The following TNKS variants were observed in gnomAD, a reference collection of about 807,000 sequenced individuals.
The protein encoded by TNKS is tankyrase.
A neutral mutation model predicts 135.8 loss-of-function variants in TNKS; 72 were observed. That is an observed-to-expected ratio of 0.53 (90% confidence interval 0.44 to 0.64). TNKS has a LOEUF of 0.64. Ranked by LOEUF, TNKS falls within the 30% of genes least tolerant of loss-of-function variation. The pLI, the probability that TNKS is intolerant of heterozygous loss-of-function variation, is 0.00. For missense variants in TNKS, 1,769 were observed against 1,674.0 expected (o/e 1.06, Z -0.99); for synonymous variants, 849 against 649.3 (o/e 1.31, Z -4.68).
At chr8:9,606,040 A>G (rs768040290) in intron 2 of TNKS, among the ~76,000 whole-genome samples, 7 of 151,286 alleles carry the variant, frequency 4.6e-5, no homozygotes, top group African/African-American at 7.3e-5. Context: ...TTTTTCTTTC[A>G]TGTTTTCTTT....
intron 3 of TNKS, among the ~76,000 whole-genome samples, chr8:9,664,403 T>C (rs1378687004): frequency 6.6e-6 from 1 of 152,174 alleles, no homozygotes; most frequent in Non-Finnish European, 1.5e-5. Flanking sequence ...GCAAATTAAA[T>C]TATTCATGAG....
chr8:9,752,431 A>G, intron 19 of TNKS, 113 bp from the exon 20 acceptor site: 3 of 707,238 alleles, frequency 4.2e-6, no homozygotes, highest in Non-Finnish European at 4.8e-6. Flanking sequence ...ATTTTATGCC[A>G]TGGAAAATCA....
intron 3 of TNKS, among the ~76,000 whole-genome samples, chr8:9,621,900 C>A (rs1255261643): frequency 6.6e-6 from 1 of 152,058 alleles, no homozygotes; most frequent in Non-Finnish European, 1.5e-5. Context: ...AGATGAATTT[C>A]TGATTTTAAA....
chr8:9,561,546 T>A (rs1315990046), intron 1 of TNKS, among the ~76,000 whole-genome samples: 1 of 152,234 alleles, frequency 6.6e-6, no homozygotes, highest in Non-Finnish European at 1.5e-5. Context: ...TAGTTTCTTT[T>A]TACTGCTGAG....
At chr8:9,560,073 A>G (rs6601331) in intron 1 of TNKS, among the ~76,000 whole-genome samples, 44,085 of 151,994 alleles carry the variant, frequency 0.29, 6,787 homozygotes, top group East Asian at 0.4. Context: ...GTTTTCTATT[A>G]TTTAAAGTAT....
At chr8:9,750,492 C>T (rs140352800) in intron 18 of TNKS, among the ~76,000 whole-genome samples, 99 of 152,320 alleles carry the variant, frequency 6.5e-4, no homozygotes, top group African/African-American at 2.2e-3. Context: ...TTACGTTCTA[C>T]CTTCCGTAAG....
At chr8:9,713,738 C>T (rs1804447842) in intron 11 of TNKS, among the ~76,000 whole-genome samples, 1 of 152,106 alleles carries the variant, frequency 6.6e-6, no homozygotes, top group Non-Finnish European at 1.5e-5. Flanking sequence ...TCCTATTTAC[C>T]CCATCCCAAG....
At chr8:9,741,854 T>G in intron 17 of TNKS, 1 of 286,448 alleles carries the variant, frequency 3.5e-6, no homozygotes, top group Non-Finnish European at 8.1e-6. Flanking sequence ...TGACCGGAAG[T>G]CCACTCTTTC....
intron 20 of TNKS, among the ~76,000 whole-genome samples, chr8:9,753,568 G>A (rs1252853840): frequency 1.3e-5 from 2 of 152,158 alleles, no homozygotes; most frequent in African/African-American, 4.8e-5. Flanking sequence ...AATATTGTAT[G>A]CTTTCATTAT....
At chr8:9,667,768 T>C (rs539814725) in intron 3 of TNKS, among the ~76,000 whole-genome samples, 112 of 152,212 alleles carry the variant, frequency 7.4e-4, no homozygotes, top group African/African-American at 2.6e-3. Flanking sequence ...TCACTAAATC[T>C]CTTACTGTGT....
intron 1 of TNKS, among the ~76,000 whole-genome samples, chr8:9,564,805 GGTTGGA>G (rs1797462454): frequency 6.6e-6 from 1 of 152,168 alleles, no homozygotes; most frequent in Admixed American, 6.5e-5. Flanking sequence ...AGATAAGATG[GGTTGGA>G]GTCTGAGGGC....
chr8:9,609,652 G>A (rs1401687091), intron 2 of TNKS, among the ~76,000 whole-genome samples: 1 of 152,042 alleles, frequency 6.6e-6, no homozygotes, highest in Non-Finnish European at 1.5e-5. Flanking sequence ...TTCTTTAACT[G>A]TCTTGTTAGC....
chr8:9,660,247 A>C (rs1055779683), intron 3 of TNKS, among the ~76,000 whole-genome samples: 5 of 152,246 alleles, frequency 3.3e-5, no homozygotes, highest in South Asian at 2.1e-4. Context: ...TGAGGCCAGC[A>C]TCATCCTGAT....
At chr8:9,730,831 A>C in intron 13 of TNKS, 59 bp from the exon 14 acceptor site, 5 of 1,558,426 alleles carry the variant, frequency 3.2e-6, no homozygotes, top group Non-Finnish European at 4.4e-6. Context: ...TTGGGGCAAA[A>C]CCTGTGAATA....
At chr8:9,747,428 G>C (rs1324277863) in intron 17 of TNKS, among the ~76,000 whole-genome samples, 1 of 151,970 alleles carries the variant, frequency 6.6e-6, no homozygotes, top group Non-Finnish European at 1.5e-5. Context: ...CTCATGCCCA[G>C]GTTATTAGCA....
At chr8:9,570,456 C>G (rs1167163210) in intron 1 of TNKS, among the ~76,000 whole-genome samples, 2 of 152,280 alleles carry the variant, frequency 1.3e-5, no homozygotes, top group East Asian at 3.9e-4. Flanking sequence ...AACCACCAGT[C>G]CCTTGCTGGC....
chr8:9,577,836 T>A (rs1420463653), intron 1 of TNKS, among the ~76,000 whole-genome samples: 1 of 152,140 alleles, frequency 6.6e-6, no homozygotes, highest in East Asian at 1.9e-4. Context: ...CAGCATTAAC[T>A]CAAAAGTCCA....
intron 9 of TNKS, among the ~76,000 whole-genome samples, chr8:9,709,274 G>A (rs1804202330): frequency 6.6e-6 from 1 of 152,062 alleles, no homozygotes. Context: ...CTCAAACTAG[G>A]GTTGAGATAG....
At chr8:9,746,000 CT>C (rs1159539696) in intron 17 of TNKS, among the ~76,000 whole-genome samples, 3 of 152,154 alleles carry the variant, frequency 2.0e-5, no homozygotes, top group African/African-American at 7.2e-5. Flanking sequence ...TGGGATCTTT[CT>C]TGGCCTTCCC....
Sources: gnomAD v4.1 joint callset for allele counts (sites outside exome capture counted in the v4.1 genomes callset) on GRCh38, gnomAD v4.1.1 for gene constraint, MANE v1.5 for transcripts, NCBI Gene and HGNC (gene_info 2026-07-23, HGNC 2026-07-21) for gene names.